IRF6: variants seen among roughly 807,000 people sequenced by gnomAD.
IRF6 encodes the protein interferon regulatory factor 6, also known as Van der Woude syndrome.
Under a neutral mutation model 51.4 loss-of-function variants are expected in IRF6, and 6 were observed. The ratio of observed to expected loss-of-function variants is 0.12; its 90% CI spans 0.06 to 0.23. The LOEUF (loss-of-function observed/expected upper bound fraction) is 0.23. Ranked by LOEUF, IRF6 falls within the 10% of genes least tolerant of loss-of-function variation. The pLI is 1.00. For missense variants in IRF6, 348 were observed against 585.2 expected, an observed-to-expected ratio of 0.59 and a Z score of 4.18; for synonymous variants, 178 against 215.7, an observed-to-expected ratio of 0.83 and a Z score of 1.53.
intron 4 of IRF6, among the ~76,000 whole-genome samples, chr1:209,795,702 G>A (rs1422935608): frequency 6.6e-6 from 1 of 152,188 alleles, no homozygotes; most frequent in East Asian, 1.9e-4. Flanking sequence ...CTTAGTCAAA[G>A]TATCCTATGA....
At chr1:209,801,000 C>A (rs1384944470) in intron 3 of IRF6, among the ~76,000 whole-genome samples, 1 of 152,108 alleles carries the variant, frequency 6.6e-6, no homozygotes, top group East Asian at 1.9e-4. Context: ...TTTTAGCCAA[C>A]CCCAGCTGGT....
intron 5 of IRF6, 74 bp downstream of exon 5, chr1:209,795,216 T>A (rs1006624328): frequency 6.5e-7 from 1 of 1,536,882 alleles, no homozygotes; most frequent in East Asian, 2.2e-5. Flanking sequence ...TGGTGGCCAA[T>A]GTATTGACAG....
At chr1:209,798,605 T>C (rs2077919291) in intron 3 of IRF6, among the ~76,000 whole-genome samples, 1 of 152,154 alleles carries the variant, frequency 6.6e-6, no homozygotes, top group South Asian at 2.1e-4. Flanking sequence ...CGTTTAAGAC[T>C]GGAACTTTAG....
At chr1:209,801,209 G>C in intron 3 of IRF6, 31 bp downstream of exon 3, 1 of 1,273,602 alleles carries the variant, frequency 7.9e-7, no homozygotes, top group Non-Finnish European at 1.1e-6. Context: ...AAAAAATCCA[G>C]AAAGGTCTGA....
chr1:209,801,191 A>C (rs1484383102), intron 3 of IRF6, 49 bp downstream of exon 3: 1 of 1,497,740 alleles, frequency 6.7e-7, no homozygotes, highest in South Asian at 1.2e-5. Context: ...GCCAAAAAAA[A>C]AAAAAAAAAA....
chr1:209,792,786 C>T (rs567402384), intron 5 of IRF6: 2 of 310,032 alleles, frequency 6.5e-6, no homozygotes, highest in South Asian at 3.7e-5. Flanking sequence ...TTCCATAAAA[C>T]GAACTCAGCT....
At chr1:209,801,845 G>C (rs1430971848) in intron 2 of IRF6, 127 bp downstream of exon 2, 1 of 155,134 alleles carries the variant, frequency 6.4e-6, no homozygotes, top group Non-Finnish European at 1.4e-5. Flanking sequence ...GTGAGAAGGT[G>C]ACACATGTTC....
Position 209,801,492 on chromosome 1 carries a change from TC to T in IRF6, c.-3-77del, listed in dbSNP as rs1421814084. 3.7e-5 allele frequency: 42 copies of T among 1,150,584 alleles called. No homozygotes were observed. In the East Asian group the frequency reaches 9.5e-4, roughly 26 times the overall value. 71.3% of individuals were successfully genotyped at this position (1,150,584 alleles called of 1,614,324 possible). A position where few individuals can be genotyped will look rare whatever the true frequency, so the allele number is the denominator to read the frequency against. On this transcript the variant is annotated intron_variant, in intron 2 of 8. Coordinates refer to ENST00000367021, the MANE Select transcript of IRF6 (RefSeq NM_006147.4). ...ACTGGGAACCCTTCCCAGCCACCTT[TC>T]CCATCTACTAGAGCTACAGTTTCAC...
chr1:209,791,147 G>GC lies in IRF6; in HGVS notation c.668-261dup, dbSNP rs1291877553. On this transcript the variant is annotated intron_variant, in intron 6 of 8. Coordinates refer to ENST00000367021, the MANE Select transcript of IRF6 (RefSeq NM_006147.4). ...TCACCACACCCCAAAGGCTACAATT[G>GC]CATCAAGTAAAGTGGTCCTGGTGTC... 8.5e-6 allele frequency: 6 copies of GC among 706,952 alleles called. No individual in the cohort carries two copies. The Admixed American group carries it at 3.1e-4, about 37-fold the overall frequency. The allele number at this position is 706,952 out of a possible 1,614,324, so 43.8% of individuals were successfully genotyped here. A position where few individuals can be genotyped will look rare whatever the true frequency, so the allele number is the denominator to read the frequency against.
intron 3 of IRF6, among the ~76,000 whole-genome samples, chr1:209,797,649 G>A (rs940946985): frequency 6.6e-6 from 1 of 152,178 alleles, no homozygotes; most frequent in Non-Finnish European, 1.5e-5. Flanking sequence ...CAGACAAGAA[G>A]AAGTTAGCCT....
chr1:209,796,295 C>T lies in IRF6; in HGVS notation c.379+53G>A. The T allele has an allele frequency of 6.9e-7, 1 of 1,457,758 alleles. No homozygotes were observed. Among genetic ancestry groups the T allele is most frequent in the Non-Finnish European group, 9.6e-7 (1 of 1,040,036 alleles). The allele number at this position is 1,457,758 out of a possible 1,614,324, so 90.3% of individuals were successfully genotyped here. ...TCAAGTTGACTATCTCTTAAGAGTG[C>T]AGCCCAGAATCTGGCATGCTGCCCA... On this transcript the variant is annotated intron_variant, in intron 4 of 8. Coordinates refer to ENST00000367021, the MANE Select transcript of IRF6 (RefSeq NM_006147.4). This position sits in a 1 kb window ranked among gnomAD's most constrained non-coding sequence, Gnocchi z 4.5.
Position 209,790,632 on chromosome 1 carries a change from C to T in IRF6, c.923G>A (p.Gly308Asp), listed in dbSNP as rs145479239. The part of the protein sequence containing the change: ...MDRGLILEVS[G>D]HAIYAIRLCQ... ...CAGCCTGATGGCATAAATGGCATGACCGCTGACCTCCAGGATCAGTCCTCT... is the reference window on the plus strand; with the variant it reads ...CAGCCTGATGGCATAAATGGCATGATCGCTGACCTCCAGGATCAGTCCTCT... Residue 308 changes from glycine (G) to aspartate (D), a missense_variant, in exon 7 of 9, where the codon GGT becomes GAT. By Grantham distance (94) the Gly-to-Asp change is moderately conservative. Around this residue, in one of 5 missense-constraint regions of IRF6, gnomAD observed 125 missense variants for 222.0 expected, o/e 0.56. Coordinates refer to ENST00000367021, the MANE Select transcript of IRF6 (RefSeq NM_006147.4). The surrounding 1 kb of genome is among the most constrained non-coding windows in gnomAD (Gnocchi z 4.8). 3.2e-5 allele frequency: 51 copies of T among 1,614,120 alleles called. No homozygotes were observed. Among genetic ancestry groups the T allele is most frequent in the Non-Finnish European group, 4.2e-5 (50 of 1,180,058 alleles).
rs1452680898 is a variant in IRF6, at chr1:209,795,400, G to A, written c.398C>T (p.Pro133Leu). ...CACATCATTATCCTTCTCATCCCAG[G>A]GAGCAGACCCTGTGGATCCTACCCA... ...IINPGSTGSAPWDEKDNDVDE... is the reference protein window; with the variant it reads ...IINPGSTGSALWDEKDNDVDE... The change falls in exon 5 of 9, where the codon CCC becomes CTC. Residue 133 changes from proline to leucine, a missense_variant. Around this residue, in one of 5 missense-constraint regions of IRF6, gnomAD observed 124 missense variants for 141.6 expected, o/e 0.88. Transcript: ENST00000367021. 8 of 1,614,060 alleles carry A rather than the reference G, an allele frequency of 5.0e-6. No homozygotes were observed. The highest frequency in any genetic ancestry group is 6.8e-6 in the Non-Finnish European group (8 of 1,180,026).
rs2077830911 is a variant in IRF6, at chr1:209,785,970, T to C, written c.*2450A>G. ...CTCCCAGTTTACCTCCAGTAGGTTC[T>C]TTTTAACTTGAACTAATCTTGTTTG... On this transcript the variant is annotated 3_prime_UTR_variant, in exon 9 of 9. Coordinates refer to ENST00000367021, the MANE Select transcript of IRF6 (RefSeq NM_006147.4). 6.6e-6 allele frequency: 1 copy of C among 152,232 alleles called. No individual in the cohort carries two copies. The highest frequency in any genetic ancestry group is 2.4e-5 in the African/African-American group (1 of 41,460). The allele number at this position is 152,232 out of a possible 1,614,324, so 9.4% of individuals were successfully genotyped here. A position where few individuals can be genotyped will look rare whatever the true frequency, so the allele number is the denominator to read the frequency against.
At chr1:209,792,066 G>A (rs1014061105) in intron 6 of IRF6, among the ~76,000 whole-genome samples, 2 of 152,182 alleles carry the variant, frequency 1.3e-5, no homozygotes, top group African/African-American at 4.8e-5. Flanking sequence ...GATTACAGGT[G>A]TAAGCCACCA....
chr1:209,789,002 C>T (rs562780253), intron 8 of IRF6, among the ~76,000 whole-genome samples: 1 of 152,318 alleles, frequency 6.6e-6, no homozygotes, highest in East Asian at 1.9e-4. Flanking sequence ...ATTTATATTC[C>T]TAAAAGTAAC....
rs942526512 is a variant in IRF6 at position 209,788,097 on chromosome 1, A to G, written c.*323T>C. The G allele has an allele frequency of 1.5e-4, 54 of 361,468 alleles. 2 individuals are homozygous for G. In the South Asian group the frequency reaches 1.5e-3, roughly 10 times the overall value. The allele number at this position is 361,468 out of a possible 1,614,324, so 22.4% of individuals were successfully genotyped here. On this transcript the variant is annotated 3_prime_UTR_variant, in exon 9 of 9. Transcript: ENST00000367021. Reference sequence around the variant, plus strand: ...TTCACTTTATAAGCAATAAATCTGAAGCCCAGAGGTTAAAGGACTTGTTCA... The same window carrying G: ...TTCACTTTATAAGCAATAAATCTGAGGCCCAGAGGTTAAAGGACTTGTTCA...
chr1:209,792,200 G>C, intron 6 of IRF6, 69 bp downstream of exon 6: 1 of 1,510,478 alleles, frequency 6.6e-7, no homozygotes, highest in Non-Finnish European at 9.2e-7. Flanking sequence ...AATGAAGTTA[G>C]AAAGCAGGAC....
At chr1:209,798,553 A>G (rs2077918920) in intron 3 of IRF6, among the ~76,000 whole-genome samples, 1 of 152,138 alleles carries the variant, frequency 6.6e-6, no homozygotes, top group Admixed American at 6.5e-5. Flanking sequence ...ACCCACCCAG[A>G]TTGCACTGGG....
Sources: gnomAD v4.1 joint callset for allele counts (sites outside exome capture counted in the v4.1 genomes callset) on GRCh38, gnomAD v4.1.1 for gene constraint, gnomAD v4.1.1 regional missense constraint, Gnocchi (gnomAD v3.1) non-coding constraint, MANE v1.5 for transcripts, NCBI Gene and HGNC (gene_info 2026-07-23, HGNC 2026-07-21) for gene names.